NRXN2: variants seen among roughly 807,000 people sequenced by gnomAD.
NRXN2 encodes neurexin 2.
NRXN2 carries 29 observed loss-of-function variants against 128.8 expected under a neutral mutation model. That is an observed-to-expected ratio of 0.23 (90% CI 0.17 to 0.31). The LOEUF is 0.31. NRXN2 is among the 10% of genes least tolerant of loss of function. The probability of loss-of-function intolerance (pLI) is 1.00; values close to 1 mark genes in which losing one functional copy is unlikely to be tolerated. For synonymous variants in NRXN2, 1,098 were observed against 1,075.2 expected (o/e 1.02, Z -0.41); for missense variants, 1,881 against 2,452.6 (o/e 0.77, Z 4.92).
intron 21 of NRXN2, 32 bp from the exon 22 acceptor site, chr11:64,620,404 A>T (rs202012289): frequency 6.9e-5 from 106 of 1,529,294 alleles, no homozygotes; most frequent in Admixed American, 2.4e-4. Context: ...GGGGAAAGAG[A>T]GGTTCCAGGC....
intron 7 of NRXN2, among the ~76,000 whole-genome samples, chr11:64,670,021 T>C (rs1565365837): frequency 6.6e-6 from 1 of 152,058 alleles, no homozygotes; most frequent in Non-Finnish European, 1.5e-5. Flanking sequence ...GGGTCCATGG[T>C]CTCGGTGGGT....
chr11:64,648,621 C>A lies in NRXN2; in HGVS notation c.3283+113G>T. 1 of 1,420,778 alleles carries A rather than the reference C, an allele frequency of 7.0e-7. No individual in the cohort carries two copies. Among genetic ancestry groups the A allele is most frequent in the Non-Finnish European group, 9.9e-7 (1 of 1,009,304 alleles). The allele number at this position is 1,420,778 out of a possible 1,614,324, so 88.0% of individuals were successfully genotyped here. On this transcript the variant is annotated intron_variant, in intron 16 of 22. Transcript: ENST00000265459. The surrounding 1 kb of genome is among the most constrained non-coding windows in gnomAD (Gnocchi z 4.1). ...ACTGTGGGGGCAAGCTCCCATAAGG[C>A]CTGAGAAGGAAGGCCCCTTGGCAGA...
intron 22 of NRXN2, among the ~76,000 whole-genome samples, chr11:64,608,876 G>A (rs1357607908): frequency 1.3e-5 from 2 of 152,136 alleles, no homozygotes; most frequent in African/African-American, 4.8e-5. Context: ...GGAACAGTGG[G>A]CAGGAGGGCT....
At chr11:64,690,586 CA>C in intron 4 of NRXN2, 110 bp from the exon 5 acceptor site, 1 of 983,770 alleles carries the variant, frequency 1.0e-6, no homozygotes, top group Non-Finnish European at 1.6e-6. Context: ...CTTGCACGGA[CA>C]GGGGAGGAGA....
intron 2 of NRXN2, among the ~76,000 whole-genome samples, chr11:64,698,184 A>G (rs916185537): frequency 1.4e-4 from 22 of 152,164 alleles, no homozygotes; most frequent in African/African-American, 5.3e-4. Context: ...ATTCCATTGC[A>G]TCTCACAGAC....
Position 64,607,273 on chromosome 11 carries a change from C to T in NRXN2, c.5062G>A (p.Val1688Met), listed in dbSNP as rs1016250148. ...SNSAQSNGAV[V>M]KEKAPAAPKT... ...GGGGCAGCCGGGGCCTTCTCTTTCACCACCGCCCCATTGCTCTGGGCCGAG... is the reference window on the plus strand; with the variant it reads ...GGGGCAGCCGGGGCCTTCTCTTTCATCACCGCCCCATTGCTCTGGGCCGAG... The change falls in exon 23 of 23, where the codon GTG (valine) becomes ATG (methionine). Residue 1688 changes from valine (V) to methionine (M), a missense_variant. Coordinates refer to ENST00000265459, the MANE Select transcript of NRXN2 (RefSeq NM_015080.4). 6.2e-7 allele frequency: 1 copy of T among 1,613,982 alleles called. No homozygotes were observed. The highest frequency in any genetic ancestry group is 8.5e-7 in the Non-Finnish European group (1 of 1,179,942).
chr11:64,663,498 C>T (rs922529923), intron 9 of NRXN2, among the ~76,000 whole-genome samples: 3 of 152,164 alleles, frequency 2.0e-5, no homozygotes, highest in African/African-American at 4.8e-5. Flanking sequence ...ACCCACTTCC[C>T]AGGGCTGGGG....
intron 12 of NRXN2, among the ~76,000 whole-genome samples, chr11:64,653,072 CCT>C (rs2047709342): frequency 6.6e-6 from 1 of 152,048 alleles, no homozygotes; most frequent in Non-Finnish European, 1.5e-5. Flanking sequence ...GCAGAAACAC[CCT>C]GAGACACAGC....
intron 17 of NRXN2, among the ~76,000 whole-genome samples, chr11:64,640,475 C>A (rs888290773): frequency 1.4e-4 from 22 of 152,076 alleles, no homozygotes; most frequent in Admixed American, 1.4e-3. Context: ...TATCTGGGCA[C>A]CTTTGGGGGC....
rs529922711 is a variant in NRXN2 at position 64,676,716 on chromosome 11, A to G, written c.1197+277T>C. ...TGCCCCCAGGTCTCTCTGGCCAGGA[A>G]TCTGAATTCAGGAGTTAGGGATTAC... is the stretch of plus-strand genomic sequence containing the variant. On this transcript the variant is annotated intron_variant, in intron 7 of 22. Coordinates refer to ENST00000265459, the MANE Select transcript of NRXN2 (RefSeq NM_015080.4). 14 of 462,908 alleles carry G rather than the reference A, an allele frequency of 3.0e-5. 2 individuals carry two copies. The highest frequency in any genetic ancestry group is 5.5e-5 in the Non-Finnish European group (14 of 255,128). 28.7% of individuals were successfully genotyped at this position (462,908 alleles called of 1,614,324 possible).
intron 22 of NRXN2, among the ~76,000 whole-genome samples, chr11:64,609,453 T>C (rs1206429266): frequency 6.6e-6 from 1 of 152,148 alleles, no homozygotes; most frequent in Non-Finnish European, 1.5e-5. Context: ...GGGGAGGGCT[T>C]TGTGAGGGGA....
At chr11:64,669,226 G>A (rs2050304404) in intron 7 of NRXN2, among the ~76,000 whole-genome samples, 2 of 152,084 alleles carry the variant, frequency 1.3e-5, no homozygotes, top group South Asian at 4.1e-4. Context: ...GTTGCCTATT[G>A]GGGTTGATTT....
chr11:64,686,898 T>C (rs930097319), intron 5 of NRXN2, among the ~76,000 whole-genome samples: 1 of 152,152 alleles, frequency 6.6e-6, no homozygotes, highest in South Asian at 2.1e-4. Flanking sequence ...CAGCATTCTG[T>C]AAGTTGGTAA....
At chr11:64,700,107 C>T (rs1287475177) in intron 2 of NRXN2, among the ~76,000 whole-genome samples, 2 of 152,190 alleles carry the variant, frequency 1.3e-5, no homozygotes, top group African/African-American at 4.8e-5. Flanking sequence ...CACCTGCCAC[C>T]TCAGTCCCCT....
chr11:64,610,203 G>A (rs1302518722), intron 22 of NRXN2, among the ~76,000 whole-genome samples: 1 of 152,008 alleles, frequency 6.6e-6, no homozygotes, highest in East Asian at 1.9e-4. Context: ...CTGGCCAGGG[G>A]CTCACCTACA....
At chr11:64,624,841 G>A (rs1221381731) in intron 20 of NRXN2, among the ~76,000 whole-genome samples, 1 of 152,156 alleles carries the variant, frequency 6.6e-6, no homozygotes, top group Admixed American at 6.5e-5. Flanking sequence ...TATTTATTGA[G>A]CACCTACCAT....
intron 6 of NRXN2, among the ~76,000 whole-genome samples, chr11:64,681,710 T>C (rs188125021): frequency 6.6e-6 from 1 of 152,326 alleles, no homozygotes; most frequent in Non-Finnish European, 1.5e-5. Context: ...ACCTGGTCTT[T>C]CTGACTCAAA....
intron 22 of NRXN2, among the ~76,000 whole-genome samples, chr11:64,611,798 C>A (rs779305648): frequency 1.1e-4 from 17 of 152,176 alleles, no homozygotes; most frequent in Admixed American, 2.6e-4. Context: ...TGGGTCCCAG[C>A]CCTGTCCCCT....
chr11:64,714,791 T>C lies in NRXN2; in HGVS notation c.-244-848A>G, dbSNP rs1371194789. On this transcript the variant is annotated intron_variant, in intron 1 of 22. Transcript: ENST00000265459. This position sits in a 1 kb window ranked among gnomAD's most constrained non-coding sequence, Gnocchi z 4.5. ...AGCCACCAGGAGGCAGGCAGGCTCATTTGCATAAAATTGCCTTTCTGAAAT... is the reference window on the plus strand; with the variant it reads ...AGCCACCAGGAGGCAGGCAGGCTCACTTGCATAAAATTGCCTTTCTGAAAT... 6.6e-6 allele frequency among the ~76,000 whole-genome samples: 1 copy of C among 151,294 alleles called. No individual in the cohort carries two copies. Among genetic ancestry groups the C allele is most frequent in the Non-Finnish European group, 1.5e-5 (1 of 67,808 alleles).
Sources: allele counts gnomAD v4.1 joint callset (sites outside exome capture counted in the v4.1 genomes callset), GRCh38; gene constraint gnomAD v4.1.1; non-coding constraint Gnocchi (gnomAD v3.1); transcripts MANE v1.5; gene names NCBI Gene and HGNC (gene_info 2026-07-23, HGNC 2026-07-21).